OR2L13: variants seen among roughly 807,000 people sequenced by gnomAD.
The protein encoded by OR2L13 is olfactory receptor family 2 subfamily L member 13.
Under a neutral mutation model 15.3 loss-of-function variants are expected in OR2L13, and 14 were observed. That is an observed-to-expected ratio of 0.91 (90% CI 0.60 to 1.43). The LOEUF is 1.43. OR2L13 is among the 40% of genes most tolerant of loss of function. OR2L13 has a pLI of 0.00. For missense variants in OR2L13, 367 were observed against 387.9 expected (o/e 0.95, Z 0.45); for synonymous variants, 152 against 142.9 (o/e 1.06, Z -0.45).
the OR2L13 span, among the ~76,000 whole-genome samples, chr1:247,946,372 C>T: frequency 7.2e-5 from 11 of 151,896 alleles, no homozygotes; most frequent in Admixed American, 2.6e-4. Context: ...GAACAGAAGC[C>T]GGGAAAGTGG....
At chr1:248,100,921 T>C (rs2103206354) in exon 3 of OR2L13, 1 of 162,578 alleles carries the variant, frequency 6.2e-6, no homozygotes, top group African/African-American at 2.4e-5. Context: ...CATGCTAAGG[T>C]AGTGTTTATG....
the OR2L13 span, chr1:248,083,899 T>G: frequency 1.9e-6 from 3 of 1,611,188 alleles, no homozygotes; most frequent in East Asian, 6.7e-5. Flanking sequence ...AAGGCCTTCT[T>G]GCGGGCTTCT....
At chr1:248,063,732 C>T in the OR2L13 span, among the ~76,000 whole-genome samples, 2 of 152,172 alleles carry the variant, frequency 1.3e-5, no homozygotes, top group Non-Finnish European at 1.5e-5. Flanking sequence ...AATCTGAGCC[C>T]AGCCACACCC....
the OR2L13 span, among the ~76,000 whole-genome samples, chr1:247,993,762 GGAGAGAGA>G: frequency 9.3e-5 from 5 of 53,668 alleles, no homozygotes; most frequent in Non-Finnish European, 1.3e-4. Context: ...AGAGAGAGGG[GGAGAGAGA>G]GAGAGAGAGA....
chr1:248,045,639 TAAGA>T, the OR2L13 span: 1 of 152,340 alleles, frequency 6.6e-6, no homozygotes, highest in South Asian at 2.1e-4. Flanking sequence ...GTTGTAAACT[TAAGA>T]AAGGAATTCT....
the OR2L13 span, among the ~76,000 whole-genome samples, chr1:248,079,766 A>T: frequency 6.6e-5 from 10 of 152,332 alleles, no homozygotes; most frequent in East Asian, 9.6e-4. Context: ...TAATTGGAAA[A>T]GAATTACAAT....
At chr1:248,012,435 T>A in the OR2L13 span, among the ~76,000 whole-genome samples, 3 of 152,194 alleles carry the variant, frequency 2.0e-5, no homozygotes, top group Non-Finnish European at 4.4e-5. Flanking sequence ...TCTTGAGTCA[T>A]GACCCATAAA....
chr1:248,058,558 A>G, the OR2L13 span, among the ~76,000 whole-genome samples: 1 of 152,088 alleles, frequency 6.6e-6, no homozygotes, highest in East Asian at 1.9e-4. Flanking sequence ...TCTGATATTT[A>G]TTACTTTTAT....
upstream of OR2L13, among the ~76,000 whole-genome samples, chr1:248,094,579 TTC>T (rs1185085747): frequency 6.6e-6 from 1 of 152,220 alleles, no homozygotes; most frequent in Non-Finnish European, 1.5e-5. Flanking sequence ...GACTAGAGTA[TTC>T]TCTCTGACTC....
At chr1:248,023,991 ACAT>A in the OR2L13 span, 3 of 152,194 alleles carry the variant, frequency 2.0e-5, no homozygotes, top group African/African-American at 2.4e-5. Context: ...CTGAAGAATA[ACAT>A]CATGTGATCA....
the OR2L13 span, among the ~76,000 whole-genome samples, chr1:247,971,425 G>T: frequency 2.0e-5 from 3 of 152,136 alleles, no homozygotes; most frequent in Non-Finnish European, 4.4e-5. Flanking sequence ...CTATCTAACA[G>T]AACTCAGCCA....
the OR2L13 span, among the ~76,000 whole-genome samples, chr1:247,951,797 A>C: frequency 6.6e-6 from 1 of 152,208 alleles, no homozygotes; most frequent in Non-Finnish European, 1.5e-5. Flanking sequence ...GCATCCCATC[A>C]GCAGTCACTT....
chr1:247,988,396 CATAG>C, the OR2L13 span, among the ~76,000 whole-genome samples: 652 of 152,014 alleles, frequency 4.3e-3, 4 homozygotes, highest in African/African-American at 0.014. Flanking sequence ...CATCCTTTTA[CATAG>C]ATAATGATAT....
the OR2L13 span, among the ~76,000 whole-genome samples, chr1:248,012,921 T>C: frequency 1.3e-5 from 2 of 151,870 alleles, no homozygotes; most frequent in Non-Finnish European, 2.9e-5. Flanking sequence ...CATGAAAAAT[T>C]TGAGTACCTT....
At chr1:248,044,053 A>G in the OR2L13 span, among the ~76,000 whole-genome samples, 6 of 152,294 alleles carry the variant, frequency 3.9e-5, no homozygotes, top group Non-Finnish European at 8.8e-5. Context: ...AAGGCTCAAA[A>G]TACCAAACTT....
the OR2L13 span, among the ~76,000 whole-genome samples, chr1:247,980,083 A>G: frequency 6.6e-6 from 1 of 152,176 alleles, no homozygotes; most frequent in African/African-American, 2.4e-5. Context: ...TTTTCAAGAT[A>G]GAAGGCATAA....
the OR2L13 span, among the ~76,000 whole-genome samples, chr1:248,000,360 C>A: frequency 6.6e-6 from 1 of 152,136 alleles, no homozygotes; most frequent in Non-Finnish European, 1.5e-5. Flanking sequence ...TCATGAGTAA[C>A]TCTCTTCAAA....
the OR2L13 span, among the ~76,000 whole-genome samples, chr1:248,037,307 C>A: frequency 6.6e-6 from 1 of 152,096 alleles, no homozygotes; most frequent in Admixed American, 6.6e-5. Context: ...TAGGCTGCTG[C>A]AGTTCTACAA....
At chr1:248,039,233 C>T in the OR2L13 span, 28 of 1,575,002 alleles carry the variant, frequency 1.8e-5, no homozygotes, top group East Asian at 4.5e-5. Flanking sequence ...AGAGTCAAAG[C>T]GCTAGGTTCA....
Sources: allele counts gnomAD v4.1 joint callset (sites outside exome capture counted in the v4.1 genomes callset), GRCh38; gene constraint gnomAD v4.1.1; transcripts MANE v1.5; gene names NCBI Gene and HGNC (gene_info 2026-07-23, HGNC 2026-07-21).